PTPRK: variants seen among roughly 807,000 people sequenced by gnomAD.
PTPRK encodes the protein receptor-type tyrosine-protein phosphatase kappa.
PTPRK carries 75 observed loss-of-function variants against 178.0 expected under a neutral mutation model. That is an observed-to-expected ratio of 0.42 (90% CI 0.35 to 0.51). PTPRK has a LOEUF of 0.51. PTPRK is among the 20% of genes least tolerant of loss of function. PTPRK has a pLI of 0.02. For synonymous variants in PTPRK, 637 were observed against 620.6 expected, an observed-to-expected ratio of 1.03 and a Z score of -0.39; for missense variants, 1,441 against 1,797.8, an observed-to-expected ratio of 0.80 and a Z score of 3.59.
rs369475369 is a variant in PTPRK at position 127,983,488 on chromosome 6, T to C, written c.3252-111A>G. 2.7e-4 allele frequency: 310 copies of C among 1,161,930 alleles called. 4 individuals are homozygous for C. The East Asian group carries it at 5.6e-3, about 21-fold the overall frequency. 72.0% of individuals were successfully genotyped at this position (1,161,930 alleles called of 1,614,324 possible). On this transcript the variant is annotated intron_variant, in intron 22 of 29. Coordinates refer to ENST00000368226, the MANE Select transcript of PTPRK (RefSeq NM_002844.4). ...GTAGAATCAAATTGATTTAACAAAC[T>C]GCAAGGCACAGCACTTGTCCCTGCT...
At chr6:127,996,870 T>A in intron 17 of PTPRK, 31 bp downstream of exon 17, 1 of 1,594,392 alleles carries the variant, frequency 6.3e-7, no homozygotes, top group Non-Finnish European at 8.6e-7. Flanking sequence ...ATATAATATT[T>A]ACATTCACCA....
At chr6:128,181,455 T>C (rs1013715027) in intron 7 of PTPRK, among the ~76,000 whole-genome samples, 2 of 152,082 alleles carry the variant, frequency 1.3e-5, no homozygotes, top group African/African-American at 4.8e-5. Context: ...AACTGTAACA[T>C]GGAATAGTCC....
At chr6:128,127,805 T>C (rs1475247533) in intron 7 of PTPRK, among the ~76,000 whole-genome samples, 1 of 152,212 alleles carries the variant, frequency 6.6e-6, no homozygotes, top group African/African-American at 2.4e-5. Flanking sequence ...TAAACTAAAC[T>C]CTTTGCCTGG....
At chr6:128,394,753 A>G (rs1408287425) in intron 2 of PTPRK, among the ~76,000 whole-genome samples, 1 of 152,186 alleles carries the variant, frequency 6.6e-6, no homozygotes, top group East Asian at 1.9e-4. Flanking sequence ...ATTTTAAGCA[A>G]TGATTGATGG....
intron 15 of PTPRK, among the ~76,000 whole-genome samples, chr6:128,000,719 A>G (rs113370470): frequency 0.015 from 2,310 of 152,176 alleles, 55 homozygotes; most frequent in African/African-American, 0.052. Flanking sequence ...TGATTTGGGC[A>G]CTGCCACAGA....
At chr6:128,384,281 A>C (rs991688707) in intron 2 of PTPRK, among the ~76,000 whole-genome samples, 1 of 152,244 alleles carries the variant, frequency 6.6e-6, no homozygotes, top group Non-Finnish European at 1.5e-5. Flanking sequence ...TTTTATCAAT[A>C]GAAAACTTTT....
chr6:128,092,580 G>A (rs1787175364), intron 7 of PTPRK, among the ~76,000 whole-genome samples: 1 of 152,102 alleles, frequency 6.6e-6, no homozygotes, highest in African/African-American at 2.4e-5. Context: ...CTATATGTGT[G>A]TATATACACA....
In PTPRK at chr6:127,976,775, G is replaced by C. The variant is rs187454402; in HGVS notation, c.3851C>G (p.Pro1284Arg). The C allele has an allele frequency of 6.2e-7, 1 of 1,613,276 alleles. No homozygotes were observed. Among genetic ancestry groups the C allele is most frequent in the Non-Finnish European group, 8.5e-7 (1 of 1,179,852 alleles). The part of the protein sequence containing the change: ...LNEVDLSQGC[P>R]QYWPEEGMLR... ...CATCCCTTCCTCTGGCCAGTACTGA[G>C]GGCAGCCCTAAATGATGAACGTTTT... Residue 1284 changes from proline to arginine, a missense_variant, in exon 27 of 30, where the codon CCT becomes CGT. Pro to Arg is a moderately radical substitution (Grantham distance 103). Around this residue, in one of 4 missense-constraint regions of PTPRK, gnomAD observed 335 missense variants for 512.4 expected, o/e 0.65. Transcript: ENST00000368226.
intron 13 of PTPRK, among the ~76,000 whole-genome samples, chr6:128,051,817 T>G (rs890646038): frequency 1.3e-5 from 2 of 152,132 alleles, no homozygotes; most frequent in African/African-American, 4.8e-5. Flanking sequence ...ATTACATTTA[T>G]GTTAGCTATT....
chr6:128,219,286 C>T (rs1231412218), intron 5 of PTPRK, among the ~76,000 whole-genome samples, 190 bp from the exon 6 acceptor site: 4 of 151,226 alleles, frequency 2.6e-5, no homozygotes, highest in African/African-American at 4.8e-5. Context: ...TCAACCTTTT[C>T]GGCACAAAAG....
rs183970880 is a variant in PTPRK at position 128,472,658 on chromosome 6, G to T, written c.100+47601C>A. 577 of 337,622 alleles carry T rather than the reference G, an allele frequency of 1.7e-3. 3 individuals carry two copies. Among genetic ancestry groups the T allele is most frequent in the African/African-American group, 0.012 (534 of 45,010 alleles). 20.9% of individuals were successfully genotyped at this position (337,622 alleles called of 1,614,324 possible). A position where few individuals can be genotyped will look rare whatever the true frequency, so the allele number is the denominator to read the frequency against. On this transcript the variant is annotated intron_variant, in intron 1 of 29. Coordinates refer to ENST00000368226, the MANE Select transcript of PTPRK (RefSeq NM_002844.4). ...TTTTTAAAACAACTTGAGAGTGGTT[G>T]CATACAACTTGCTCTTTAACCCCAA...
chr6:128,466,872 A>G (rs1338736169), intron 1 of PTPRK, among the ~76,000 whole-genome samples: 1 of 152,258 alleles, frequency 6.6e-6, no homozygotes, highest in Non-Finnish European at 1.5e-5. Flanking sequence ...CCCTTAAAAA[A>G]TATCAGAGAG....
At chr6:128,180,767 T>G (rs1801786673) in intron 7 of PTPRK, among the ~76,000 whole-genome samples, 1 of 152,120 alleles carries the variant, frequency 6.6e-6, no homozygotes, top group Non-Finnish European at 1.5e-5. Context: ...TTAACCTATA[T>G]TTTCTCAGAG....
intron 3 of PTPRK, among the ~76,000 whole-genome samples, chr6:128,248,724 C>T (rs930033077): frequency 6.6e-6 from 1 of 152,072 alleles, no homozygotes; most frequent in African/African-American, 2.4e-5. Flanking sequence ...AGTGAAAGCA[C>T]AGAGACACCA....
intron 1 of PTPRK, among the ~76,000 whole-genome samples, chr6:128,516,685 A>G (rs915629359): frequency 1.3e-5 from 2 of 152,168 alleles, no homozygotes; most frequent in Middle Eastern, 3.2e-3. Flanking sequence ...GTCAGGAACT[A>G]TAGACAAAGC....
chr6:128,327,253 GATAA>G (rs1178789372), intron 2 of PTPRK, among the ~76,000 whole-genome samples: 1 of 152,106 alleles, frequency 6.6e-6, no homozygotes, highest in African/African-American at 2.4e-5. Context: ...AATAATTCAT[GATAA>G]ATAGATTTCC....
At chr6:128,498,482 C>T (rs923156203) in intron 1 of PTPRK, among the ~76,000 whole-genome samples, 12 of 152,182 alleles carry the variant, frequency 7.9e-5, no homozygotes, top group African/African-American at 2.9e-4. Context: ...CCAATATCCT[C>T]TTCTGCTTTT....
Position 128,067,711 on chromosome 6 carries a change from A to G in PTPRK, c.1965T>C (p.Pro655=). ...CACTCATGGCATTTTGGTATGTGAC[A>G]GGAACCTGGTAGCATTCCATGGCTC... ...EAGAMECYQV[P]VTYQNAMSGG... is the part of the protein sequence containing the mutation. Residue 655 remains proline (P), a synonymous_variant, in exon 12 of 30, where the codon CCT becomes CCC. Coordinates refer to ENST00000368226, the MANE Select transcript of PTPRK (RefSeq NM_002844.4). 1 of 1,613,850 alleles carries G rather than the reference A, an allele frequency of 6.2e-7. No homozygotes were observed. Among genetic ancestry groups the G allele is most frequent in the African/African-American group, 1.3e-5 (1 of 75,044 alleles).
intron 13 of PTPRK, among the ~76,000 whole-genome samples, chr6:128,038,174 A>G (rs1050476346): frequency 6.6e-6 from 1 of 152,166 alleles, no homozygotes; most frequent in Non-Finnish European, 1.5e-5. Flanking sequence ...ACTTGGTTAT[A>G]TATCTTGGAA....
Sources: gnomAD v4.1 joint callset for allele counts (sites outside exome capture counted in the v4.1 genomes callset) on GRCh38, gnomAD v4.1.1 for gene constraint, gnomAD v4.1.1 regional missense constraint, MANE v1.5 for transcripts, NCBI Gene and HGNC (gene_info 2026-07-23, HGNC 2026-07-21) for gene names.